TRDN: variants seen among roughly 807,000 people sequenced by gnomAD.
The protein encoded by TRDN is triadin in skeletal muscle.
A neutral mutation model predicts 149.7 loss-of-function variants in TRDN; 161 were observed. The ratio of observed to expected loss-of-function variants is 1.08; its 90% CI spans 0.95 to 1.23. TRDN has a LOEUF of 1.23. TRDN is among the 50% of genes most tolerant of loss of function. The pLI is 0.00. For missense variants in TRDN, 896 were observed against 823.5 expected, an observed-to-expected ratio of 1.09 and a Z score of -1.08; for synonymous variants, 294 against 250.5, an observed-to-expected ratio of 1.17 and a Z score of -1.64.
At chr6:123,445,335 T>G (rs544974524) in intron 10 of TRDN, among the ~76,000 whole-genome samples, 82 of 147,450 alleles carry the variant, frequency 5.6e-4, no homozygotes, top group African/African-American at 2.1e-3. Context: ...GGCAAGGACT[T>G]CATGTCTAAA....
intron 38 of TRDN, among the ~76,000 whole-genome samples, chr6:123,226,701 T>C (rs776579326): frequency 5.9e-5 from 9 of 151,820 alleles, no homozygotes; most frequent in Non-Finnish European, 1.0e-4. Context: ...AGGAATAAAA[T>C]TCAAGAAAGG....
intron 38 of TRDN, among the ~76,000 whole-genome samples, chr6:123,234,046 A>G (rs1274647834): frequency 6.6e-6 from 1 of 152,110 alleles, no homozygotes; most frequent in Non-Finnish European, 1.5e-5. Flanking sequence ...TTAAAAATAA[A>G]GCTATTGAAG....
intron 1 of TRDN, among the ~76,000 whole-genome samples, chr6:123,586,779 G>C (rs1265764553): frequency 6.6e-6 from 1 of 151,958 alleles, no homozygotes; most frequent in African/African-American, 2.4e-5. Flanking sequence ...GACAAACCCA[G>C]AGAAAAGAGA....
At chr6:123,520,105 A>G (rs1421838518) in intron 5 of TRDN, among the ~76,000 whole-genome samples, 3 of 151,970 alleles carry the variant, frequency 2.0e-5, no homozygotes, top group African/African-American at 4.8e-5. Flanking sequence ...TTTCTTTTTT[A>G]TTTTTGGTAG....
At chr6:123,279,170 A>T (rs1249570314) in intron 24 of TRDN, 88 bp from the exon 25 acceptor site, 1 of 1,101,658 alleles carries the variant, frequency 9.1e-7, no homozygotes, top group Non-Finnish European at 1.3e-6. Flanking sequence ...TATATTTGAA[A>T]ATAAAAATGA....
chr6:123,360,954 C>T (rs554765537), intron 20 of TRDN, among the ~76,000 whole-genome samples: 1 of 152,110 alleles, frequency 6.6e-6, no homozygotes, highest in African/African-American at 2.4e-5. Context: ...TGGATATGTG[C>T]CACATTTTCT....
At chr6:123,251,848 T>C (rs908965019) in intron 38 of TRDN, among the ~76,000 whole-genome samples, 1 of 152,024 alleles carries the variant, frequency 6.6e-6, no homozygotes, top group Non-Finnish European at 1.5e-5. Context: ...GTTTATACTA[T>C]AGGAGATACA....
chr6:123,377,752 A>C lies in TRDN; in HGVS notation c.1220-10T>G. On this transcript the variant is annotated splice_polypyrimidine_tract_variant and intron_variant, in intron 17 of 40. Transcript: ENST00000334268. ...TTCTTTGGTGACTTTGCTGTATCAA[A>C]AAGGAAAGAAAAAAAAATCAGCATT... 1 of 1,613,190 alleles carries C rather than the reference A, an allele frequency of 6.2e-7. No homozygotes were observed. Among genetic ancestry groups the C allele is most frequent in the East Asian group, 2.2e-5 (1 of 44,852 alleles).
intron 6 of TRDN, among the ~76,000 whole-genome samples, chr6:123,512,890 T>C (rs889487828): frequency 7.9e-5 from 12 of 152,120 alleles, no homozygotes; most frequent in Admixed American, 6.6e-4. Flanking sequence ...AGGAAAAAAT[T>C]AGTTCCACAT....
chr6:123,632,441 T>C (rs1046349593), intron 1 of TRDN, among the ~76,000 whole-genome samples: 1 of 152,054 alleles, frequency 6.6e-6, no homozygotes, highest in African/African-American at 2.4e-5. Flanking sequence ...CATGGGTCTG[T>C]GCATTGCCCT....
At position 123,218,603 on chromosome 6, in the gene TRDN, A is replaced by G. The variant is rs1264048557; in HGVS notation, c.2188T>C (p.Ter730GlnextTer16). The change falls in exon 41 of 41, where the codon TAA becomes CAA. Residue 730 changes from the stop codon to glutamine, a stop_lost. Coordinates refer to ENST00000334268, the MANE Select transcript of TRDN (RefSeq NM_006073.4). ...TTGTAAGGGTCATACATGTGTGTTTACTGTCCTTGTTGCTTCTGTCCTGGA... is the reference window on the plus strand; with the variant it reads ...TTGTAAGGGTCATACATGTGTGTTTGCTGTCCTTGTTGCTTCTGTCCTGGA... ...NSPGQKQQGQ[*>Q] 7 of 1,611,132 alleles carry G rather than the reference A, an allele frequency of 4.3e-6. No individual in the cohort carries two copies. Among genetic ancestry groups the G allele is most frequent in the Non-Finnish European group, 5.9e-6 (7 of 1,178,344 alleles).
chr6:123,382,977 T>C (rs1238072367), intron 14 of TRDN, among the ~76,000 whole-genome samples: 1 of 152,124 alleles, frequency 6.6e-6, no homozygotes, highest in Non-Finnish European at 1.5e-5. Context: ...TAAGAACTTT[T>C]AAATTCTCTA....
intron 1 of TRDN, among the ~76,000 whole-genome samples, chr6:123,584,571 G>A (rs1202685894): frequency 1.3e-5 from 2 of 152,064 alleles, no homozygotes; most frequent in African/African-American, 2.4e-5. Context: ...GGGAACGCAC[G>A]TGTGTTTTTA....
chr6:123,616,333 A>G (rs1383783105), intron 1 of TRDN, among the ~76,000 whole-genome samples: 1 of 152,108 alleles, frequency 6.6e-6, no homozygotes, highest in Admixed American at 6.6e-5. Flanking sequence ...CCCATCTCAA[A>G]AACGAAAATT....
In TRDN at chr6:123,605,982, A is replaced by G. The variant is rs1784512403; in HGVS notation, c.22+30772T>C. 2.6e-5 allele frequency among the ~76,000 whole-genome samples: 4 copies of G among 152,148 alleles called. No individual in the cohort carries two copies. In the South Asian group the frequency reaches 8.3e-4, roughly 32 times the overall value. On this transcript the variant is annotated intron_variant, in intron 1 of 40. Coordinates refer to ENST00000334268, the MANE Select transcript of TRDN (RefSeq NM_006073.4). ...CTCTGTGAAAGAGGAAGCCAAGCCA[A>G]TGATCATTATTGGAAAATCAATCCT...
chr6:123,519,689 T>A (rs1425839624), intron 5 of TRDN, among the ~76,000 whole-genome samples: 3 of 151,884 alleles, frequency 2.0e-5, no homozygotes, highest in South Asian at 2.1e-4. Flanking sequence ...CATACTTGAC[T>A]TTAGACTACT....
At chr6:123,400,201 A>G (rs1226213836) in intron 12 of TRDN, among the ~76,000 whole-genome samples, 1 of 148,618 alleles carries the variant, frequency 6.7e-6, no homozygotes, top group Admixed American at 6.7e-5. Flanking sequence ...ACACACACAT[A>G]CACATATACA....
intron 12 of TRDN, among the ~76,000 whole-genome samples, chr6:123,428,864 A>C (rs931611367): frequency 2.6e-5 from 4 of 152,166 alleles, no homozygotes; most frequent in African/African-American, 9.7e-5. Context: ...TGGAGACAAG[A>C]TCTATGTCTA....
At chr6:123,351,806 GTAT>G (rs1369983112) in intron 21 of TRDN, 2 of 905,410 alleles carry the variant, frequency 2.2e-6, no homozygotes, top group East Asian at 1.2e-4. Flanking sequence ...AATAAATATA[GTAT>G]TATTATATAA....
Sources: gnomAD v4.1 joint callset for allele counts (sites outside exome capture counted in the v4.1 genomes callset) on GRCh38, gnomAD v4.1.1 for gene constraint, MANE v1.5 for transcripts, NCBI Gene and HGNC (gene_info 2026-07-23, HGNC 2026-07-21) for gene names.